The following ELMOD1 variants were observed in gnomAD, a reference collection of about 807,000 sequenced individuals.
The protein encoded by ELMOD1 is ELMO domain-containing protein 1.
A neutral mutation model predicts 46.7 loss-of-function variants in ELMOD1; 21 were observed. The ratio of observed to expected loss-of-function variants is 0.45; its 90% CI spans 0.32 to 0.65. ELMOD1 has a LOEUF of 0.65. Ranked by LOEUF, ELMOD1 falls within the 30% of genes least tolerant of loss-of-function variation. The pLI is 0.04. For synonymous variants in ELMOD1, 122 were observed against 138.2 expected (o/e 0.88, Z 0.82); for missense variants, 348 against 407.8 (o/e 0.85, Z 1.26).
At chr11:107,637,253 C>T (rs2135696006) in intron 6 of ELMOD1, among the ~76,000 whole-genome samples, 1 of 152,300 alleles carries the variant, frequency 6.6e-6, no homozygotes, top group South Asian at 2.1e-4. Flanking sequence ...AAACTATAAG[C>T]ATTTTAGCTC....
At chr11:107,642,243 C>G (rs1866338000) in intron 6 of ELMOD1, among the ~76,000 whole-genome samples, 1 of 151,696 alleles carries the variant, frequency 6.6e-6, no homozygotes, top group South Asian at 2.1e-4. Flanking sequence ...CACGTGGCCC[C>G]TCACTCATTT....
At chr11:107,657,412 A>ATG (rs1218421765) in intron 11 of ELMOD1, among the ~76,000 whole-genome samples, 6 of 152,116 alleles carry the variant, frequency 3.9e-5, no homozygotes, top group Non-Finnish European at 8.8e-5. Context: ...CTGTAGTCCC[A>ATG]GCCACTCAAG....
chr11:107,643,730 G>C, intron 6 of ELMOD1: 1 of 498,360 alleles, frequency 2.0e-6, no homozygotes, highest in Non-Finnish European at 4.1e-6. Flanking sequence ...ATTTTTGTCA[G>C]TATTGGAGCA....
intron 10 of ELMOD1, among the ~76,000 whole-genome samples, chr11:107,654,555 G>C (rs529787888): frequency 6.5e-4 from 99 of 152,136 alleles, no homozygotes; most frequent in African/African-American, 2.2e-3. Context: ...GGATCACGAG[G>C]TCAGGAGATC....
chr11:107,601,559 G>A (rs1865599587), intron 1 of ELMOD1, among the ~76,000 whole-genome samples: 1 of 151,200 alleles, frequency 6.6e-6, no homozygotes, highest in Admixed American at 6.6e-5. Flanking sequence ...GGGATTACAG[G>A]CACGTGCCAC....
At chr11:107,611,544 T>C (rs1191102744) in intron 1 of ELMOD1, among the ~76,000 whole-genome samples, 1 of 151,492 alleles carries the variant, frequency 6.6e-6, no homozygotes, top group East Asian at 1.9e-4. Flanking sequence ...ACTAAAAATA[T>C]TTTTTAAAAA....
chr11:107,637,367 A>G (rs1281482959), intron 6 of ELMOD1, among the ~76,000 whole-genome samples: 1 of 152,160 alleles, frequency 6.6e-6, no homozygotes, highest in Non-Finnish European at 1.5e-5. Flanking sequence ...GCAGCTTACA[A>G]TCCAATTGGG....
chr11:107,647,449 C>CTTTT lies in ELMOD1; in HGVS notation c.421-11_421-8dup. On this transcript the variant is annotated intron_variant, in intron 6 of 11. Transcript: ENST00000265840. ...GAAAGGGTGTATCAACAGAGTAATC[C>CTTTT]TTTTTTTTTTTCCTACAGTTATGGA... 1.7e-6 allele frequency: 2 copies of CTTTT among 1,189,786 alleles called. No homozygotes were observed. The highest frequency in any genetic ancestry group is 2.1e-5 in the Admixed American group (1 of 47,012). 73.7% of individuals were successfully genotyped at this position (1,189,786 alleles called of 1,614,324 possible). A position where few individuals can be genotyped will look rare whatever the true frequency, so the allele number is the denominator to read the frequency against.
chr11:107,656,133 A>T, intron 11 of ELMOD1, 67 bp downstream of exon 11: 1 of 1,511,852 alleles, frequency 6.6e-7, no homozygotes. Flanking sequence ...CACCCCTGTA[A>T]TCCCAGCACT....
chr11:107,598,237 C>A (rs535762590), intron 1 of ELMOD1, among the ~76,000 whole-genome samples: 1 of 152,264 alleles, frequency 6.6e-6, no homozygotes, highest in East Asian at 1.9e-4. Flanking sequence ...CTGCTGTCTG[C>A]AAACTAGAGA....
intron 5 of ELMOD1, among the ~76,000 whole-genome samples, chr11:107,634,382 T>C (rs1258657379): frequency 6.6e-6 from 1 of 152,192 alleles, no homozygotes; most frequent in Non-Finnish European, 1.5e-5. Context: ...TCTAGTGATA[T>C]GCTTTTAGGG....
chr11:107,644,271 G>A (rs1866378092), intron 6 of ELMOD1, among the ~76,000 whole-genome samples: 1 of 151,552 alleles, frequency 6.6e-6, no homozygotes, highest in African/African-American at 2.4e-5. Context: ...ACTCCAGCCT[G>A]GGCGGCAGAG....
At chr11:107,621,398 G>T (rs1865945349) in intron 2 of ELMOD1, among the ~76,000 whole-genome samples, 1 of 152,154 alleles carries the variant, frequency 6.6e-6, no homozygotes, top group Non-Finnish European at 1.5e-5. Context: ...GTAAATAAGG[G>T]CTTACAATTA....
rs918582741 is a variant in ELMOD1 at position 107,665,441 on chromosome 11, A to G, written c.*244A>G. 7.9e-6 allele frequency: 3 copies of G among 380,590 alleles called. No individual in the cohort carries two copies. In the East Asian group the frequency reaches 1.2e-4, roughly 15 times the overall value. The allele number at this position is 380,590 out of a possible 1,614,324, so 23.6% of individuals were successfully genotyped here. A position where few individuals can be genotyped will look rare whatever the true frequency, so the allele number is the denominator to read the frequency against. On this transcript the variant is annotated 3_prime_UTR_variant, in exon 12 of 12. Coordinates refer to ENST00000265840, the MANE Select transcript of ELMOD1 (RefSeq NM_018712.4). ...AGTGTTACATCTTGCCTTGATACCC[A>G]GGTATGGAGAGAGTTTTCTATTTTT... is the stretch of plus-strand genomic sequence containing the variant.
chr11:107,648,496 C>T (rs1007550273), intron 7 of ELMOD1, among the ~76,000 whole-genome samples: 1 of 152,216 alleles, frequency 6.6e-6, no homozygotes, highest in Non-Finnish European at 1.5e-5. Flanking sequence ...GGGATCCCAG[C>T]CTGATGCCTC....
intron 6 of ELMOD1, among the ~76,000 whole-genome samples, chr11:107,636,421 A>G (rs181678621): frequency 3.7e-4 from 56 of 152,326 alleles, no homozygotes; most frequent in Admixed American, 2.7e-3. Flanking sequence ...TTAAGACCCC[A>G]CAATAATTAA....
chr11:107,665,970 TA>T lies in ELMOD1; in HGVS notation c.*776del, dbSNP rs1866836841. 1 of 116,284 alleles carries T rather than the reference TA, an allele frequency of 8.6e-6. No individual in the cohort carries two copies. The highest frequency in any genetic ancestry group is 8.5e-5 in the Admixed American group (1 of 11,824). The allele number at this position is 116,284 out of a possible 1,614,324, so 7.2% of individuals were successfully genotyped here. Reference sequence around the variant, plus strand: ...AGCAAGACTCCATCTCAAAAATAAATAAATAAATAAATAAATAAATAAATAA... The same window carrying T: ...AGCAAGACTCCATCTCAAAAATAAATAATAAATAAATAAATAAATAAATAA... On this transcript the variant is annotated 3_prime_UTR_variant, in exon 12 of 12. Coordinates refer to ENST00000265840, the MANE Select transcript of ELMOD1 (RefSeq NM_018712.4).
At chr11:107,621,319 C>T (rs566431790) in intron 2 of ELMOD1, among the ~76,000 whole-genome samples, 1 of 152,244 alleles carries the variant, frequency 6.6e-6, no homozygotes, top group East Asian at 1.9e-4. Context: ...CTGAGCAATA[C>T]AGCAGACTTA....
At chr11:107,594,346 C>G (rs565530430) in intron 1 of ELMOD1, among the ~76,000 whole-genome samples, 5 of 151,942 alleles carry the variant, frequency 3.3e-5, no homozygotes, top group East Asian at 1.9e-4. Flanking sequence ...ATCTGATAGC[C>G]TCAGTGAGAG....
Sources: allele counts gnomAD v4.1 joint callset (sites outside exome capture counted in the v4.1 genomes callset), GRCh38; gene constraint gnomAD v4.1.1; transcripts MANE v1.5; gene names NCBI Gene and HGNC (gene_info 2026-07-23, HGNC 2026-07-21).